Variants in MBNL1 observed in about 807,000 individuals in gnomAD.
The protein encoded by MBNL1 is muscleblind-like protein 1.
A neutral mutation model predicts 42.2 loss-of-function variants in MBNL1; 8 were observed. The ratio of observed to expected loss-of-function variants is 0.19; its 90% CI spans 0.11 to 0.34. MBNL1 has a LOEUF of 0.34. MBNL1 is among the 10% of genes least tolerant of loss of function. MBNL1 has a pLI of 1.00. For missense variants in MBNL1, 309 were observed against 495.3 expected, an observed-to-expected ratio of 0.62 and a Z score of 3.57; for synonymous variants, 169 against 173.9, an observed-to-expected ratio of 0.97 and a Z score of 0.22.
intron 4 of MBNL1, 68 bp from the exon 5 acceptor site, chr3:152,445,209 TTTAAG>T (rs1409226223): frequency 5.7e-6 from 8 of 1,399,790 alleles, no homozygotes; most frequent in Non-Finnish European, 7.9e-6. Flanking sequence ...AGTCTTGCAC[TTTAAG>T]TTAAAATCTT....
chr3:152,452,608 A>C (rs1580778749), intron 6 of MBNL1, among the ~76,000 whole-genome samples: 1 of 152,146 alleles, frequency 6.6e-6, no homozygotes, highest in African/African-American at 2.4e-5. Context: ...CCAGGCTCCC[A>C]TGCCCTTGAG....
At chr3:152,459,919 T>C (rs2019689) in intron 9 of MBNL1, among the ~76,000 whole-genome samples, 20 of 151,236 alleles carry the variant, frequency 1.3e-4, no homozygotes, top group South Asian at 2.1e-4. Flanking sequence ...GACCATGTAC[T>C]TACTTCATCC....
chr3:152,457,060 A>G (rs1267069195), intron 8 of MBNL1, among the ~76,000 whole-genome samples: 1 of 152,198 alleles, frequency 6.6e-6, no homozygotes, highest in African/African-American at 2.4e-5. Context: ...ATTGCAGGAT[A>G]CTTTTAAGTG....
intron 3 of MBNL1, among the ~76,000 whole-genome samples, chr3:152,426,452 G>C (rs1010869755): frequency 2.0e-5 from 3 of 152,152 alleles, no homozygotes; most frequent in Non-Finnish European, 4.4e-5. Context: ...TTTGTCTGAT[G>C]AAAAATTGGT....
intron 2 of MBNL1, chr3:152,262,709 A>T (rs1240081299): frequency 6.6e-6 from 1 of 152,252 alleles, no homozygotes; most frequent in Non-Finnish European, 1.5e-5. Context: ...CGACATTTAT[A>T]TTAAAAGCCC....
At chr3:152,373,257 A>G (rs2096750793) in intron 2 of MBNL1, among the ~76,000 whole-genome samples, 1 of 148,234 alleles carries the variant, frequency 6.7e-6, no homozygotes, top group Non-Finnish European at 1.5e-5. Context: ...GGATCCACTG[A>G]TCCACTTGGC....
chr3:152,369,251 G>A (rs973493884), intron 2 of MBNL1, among the ~76,000 whole-genome samples: 1 of 152,152 alleles, frequency 6.6e-6, no homozygotes, highest in African/African-American at 2.4e-5. Flanking sequence ...GGCCTTTTCT[G>A]CATCTATTGG....
chr3:152,440,809 G>A (rs997403432), intron 4 of MBNL1, among the ~76,000 whole-genome samples: 1 of 152,202 alleles, frequency 6.6e-6, no homozygotes, highest in African/African-American at 2.4e-5. Flanking sequence ...GATCAGCGAT[G>A]CTGTGGACAC....
intron 2 of MBNL1, chr3:152,338,534 T>C: frequency 1.0e-6 from 1 of 985,358 alleles, no homozygotes; most frequent in Non-Finnish European, 1.2e-6. Context: ...GAAACTTTCC[T>C]AGCCTGGACA....
At chr3:152,330,514 A>G (rs1199467006) in intron 2 of MBNL1, among the ~76,000 whole-genome samples, 1 of 152,170 alleles carries the variant, frequency 6.6e-6, no homozygotes, top group Non-Finnish European at 1.5e-5. Context: ...ATTGAAATAA[A>G]AAATTCAGTC....
intron 3 of MBNL1, among the ~76,000 whole-genome samples, chr3:152,423,575 T>A (rs1403500600): frequency 6.6e-6 from 1 of 152,154 alleles, no homozygotes; most frequent in African/African-American, 2.4e-5. Context: ...CCTCCATCAC[T>A]CATTTTGTGA....
chr3:152,350,945 A>G (rs995292961), intron 2 of MBNL1, among the ~76,000 whole-genome samples: 1 of 152,150 alleles, frequency 6.6e-6, no homozygotes, highest in Non-Finnish European at 1.5e-5. Context: ...TCTTAGGGGA[A>G]GAAGTTTCAT....
chr3:152,276,229 A>G (rs1289372896), intron 1 of MBNL1, among the ~76,000 whole-genome samples: 1 of 152,200 alleles, frequency 6.6e-6, no homozygotes, highest in Non-Finnish European at 1.5e-5. Context: ...CGATGAGAAT[A>G]TAGCTGTAAT....
At chr3:152,408,477 A>T (rs2098487234) in intron 2 of MBNL1, among the ~76,000 whole-genome samples, 1 of 152,148 alleles carries the variant, frequency 6.6e-6, no homozygotes, top group Non-Finnish European at 1.5e-5. Flanking sequence ...TAAGTTTTGA[A>T]TTTGTAACAC....
chr3:152,271,524 G>A (rs1363549113), intron 1 of MBNL1, among the ~76,000 whole-genome samples: 1 of 152,112 alleles, frequency 6.6e-6, no homozygotes, highest in Admixed American at 6.5e-5. Context: ...GCACCTTCTG[G>A]CTTTCTGCTT....
At chr3:152,343,917 T>C (rs1018754784) in intron 2 of MBNL1, among the ~76,000 whole-genome samples, 1 of 152,148 alleles carries the variant, frequency 6.6e-6, no homozygotes, top group African/African-American at 2.4e-5. Context: ...TATTTATAAA[T>C]GTGTCATTGA....
At chr3:152,268,751 G>T (rs1218829325), upstream of MBNL1, 2 of 454,344 alleles carry the variant, frequency 4.4e-6, no homozygotes, top group Non-Finnish European at 8.8e-6. Context: ...GTGGCCCGGG[G>T]AAGCGCGGGA....
intron 2 of MBNL1, among the ~76,000 whole-genome samples, chr3:152,383,350 A>T (rs2097265132): frequency 6.6e-6 from 1 of 152,116 alleles, no homozygotes; most frequent in Admixed American, 6.6e-5. Flanking sequence ...TTTCACGTGT[A>T]CAGTTTTCTG....
intron 4 of MBNL1, among the ~76,000 whole-genome samples, chr3:152,434,528 A>G (rs1231547631): frequency 1.3e-5 from 2 of 152,092 alleles, no homozygotes; most frequent in Admixed American, 6.5e-5. Flanking sequence ...GTGTGTCTTT[A>G]TGGTAGAATG....
Sources: allele counts gnomAD v4.1 joint callset (sites outside exome capture counted in the v4.1 genomes callset), GRCh38; gene constraint gnomAD v4.1.1; transcripts MANE v1.5; gene names NCBI Gene and HGNC (gene_info 2026-07-23, HGNC 2026-07-21).